SRGAP3: variants seen among roughly 807,000 people sequenced by gnomAD.
SRGAP3 encodes SLIT-ROBO Rho GTPase-activating protein 3.
In SRGAP3, 39 loss-of-function variants were observed where a neutral mutation model predicts 121.1. That is an observed-to-expected ratio of 0.32 (90% CI 0.25 to 0.42). The LOEUF (loss-of-function observed/expected upper bound fraction) is 0.42. Ranked by LOEUF, SRGAP3 falls within the 10% of genes least tolerant of loss-of-function variation. The pLI is 1.00. For missense variants in SRGAP3, 1,213 were observed against 1,470.6 expected, an observed-to-expected ratio of 0.82 and a Z score of 2.86; for synonymous variants, 601 against 570.0, an observed-to-expected ratio of 1.05 and a Z score of -0.77.
In SRGAP3 at chr3:9,218,572, C is replaced by T. The variant is rs193227222; in HGVS notation, c.67+30313G>A. ...ACATCAGGTAGAAACTATTTCCCACCGCTGATTTAGGAGTACATAAAAGCT... is the reference window on the plus strand; with the variant it reads ...ACATCAGGTAGAAACTATTTCCCACTGCTGATTTAGGAGTACATAAAAGCT... On this transcript the variant is annotated intron_variant, in intron 1 of 21. Transcript: ENST00000383836. The surrounding 1 kb of genome is among the most constrained non-coding windows in gnomAD (Gnocchi z 5.3). 22 of 152,174 alleles carry T rather than the reference C, an allele frequency of 1.4e-4. No individual in the cohort carries two copies. The highest frequency in any genetic ancestry group is 4.8e-4 in the African/African-American group (20 of 41,532). 9.4% of individuals were successfully genotyped at this position (152,174 alleles called of 1,614,324 possible). A position where few individuals can be genotyped will look rare whatever the true frequency, so the allele number is the denominator to read the frequency against.
At chr3:9,303,711 C>T (rs933672915) in intron 3 of SRGAP3, among the ~76,000 whole-genome samples, 1 of 152,212 alleles carries the variant, frequency 6.6e-6, no homozygotes, top group African/African-American at 2.4e-5. Context: ...GCTTAATCCA[C>T]AAGAGACTGC....
At chr3:9,003,620 T>A (rs1942894509) in intron 18 of SRGAP3, among the ~76,000 whole-genome samples, 1 of 152,236 alleles carries the variant, frequency 6.6e-6, no homozygotes, top group Non-Finnish European at 1.5e-5. Flanking sequence ...ATTAATGTAA[T>A]GCATCTTATC....
intron 10 of SRGAP3, among the ~76,000 whole-genome samples, chr3:9,038,642 G>C (rs1944883889): frequency 6.6e-6 from 1 of 152,194 alleles, no homozygotes; most frequent in Admixed American, 6.5e-5. Context: ...CCCAGCTGAA[G>C]ATCTTCTCAT....
intron 1 of SRGAP3, among the ~76,000 whole-genome samples, chr3:9,186,720 A>C (rs1247683970): frequency 6.6e-6 from 1 of 152,150 alleles, no homozygotes; most frequent in East Asian, 1.9e-4. Flanking sequence ...AGGAATAATC[A>C]TGCTGTGTCC....
intron 2 of SRGAP3, among the ~76,000 whole-genome samples, chr3:9,119,749 G>T (rs1333747751): frequency 1.3e-5 from 2 of 152,244 alleles, no homozygotes; most frequent in African/African-American, 2.4e-5. Context: ...ACTGTCAGAA[G>T]TCTGATGCCC....
At chr3:9,055,867 G>C (rs1945795312) in intron 8 of SRGAP3, among the ~76,000 whole-genome samples, 1 of 148,820 alleles carries the variant, frequency 6.7e-6, no homozygotes, top group Non-Finnish European at 1.5e-5. Context: ...TGAACATAGA[G>C]TCCTATTTCC....
rs1941572910 is a variant in SRGAP3, at chr3:8,984,449, A to T, written c.*1070T>A. Reference sequence around the variant, plus strand: ...AGTAGAACCAGGAAAAGAAAAAATTAAATAGTTTGAAAATGATATAAGTTA... The same window carrying T: ...AGTAGAACCAGGAAAAGAAAAAATTTAATAGTTTGAAAATGATATAAGTTA... On this transcript the variant is annotated 3_prime_UTR_variant, in exon 22 of 22. Transcript: ENST00000383836. 1 of 231,894 alleles carries T rather than the reference A, an allele frequency of 4.3e-6. No individual in the cohort carries two copies. Among genetic ancestry groups the T allele is most frequent in the African/African-American group, 2.2e-5 (1 of 45,290 alleles). The allele number at this position is 231,894 out of a possible 1,614,324, so 14.4% of individuals were successfully genotyped here. A position where few individuals can be genotyped will look rare whatever the true frequency, so the allele number is the denominator to read the frequency against.
At chr3:9,009,796 C>T (rs1192499223) in intron 18 of SRGAP3, among the ~76,000 whole-genome samples, 3 of 152,140 alleles carry the variant, frequency 2.0e-5, no homozygotes, top group South Asian at 2.1e-4. Context: ...CTCCAGGGTG[C>T]CCAATGCACC....
In SRGAP3 at chr3:9,058,456, A is replaced by T; in HGVS notation, c.818T>A (p.Phe273Tyr). 6.2e-7 allele frequency: 1 copy of T among 1,614,000 alleles called. No homozygotes were observed. Among genetic ancestry groups the T allele is most frequent in the Non-Finnish European group, 8.5e-7 (1 of 1,180,038 alleles). ...SDLIDCCDLG[F>Y]HASLARTFRT... is the part of the protein sequence containing the mutation. ...GAAGGTGCGGGCCAGGCTGGCATGG[A>T]AGCCCAAATCACAGCACTTGGGGAG... Residue 273 changes from phenylalanine to tyrosine, a missense_variant, in exon 7 of 22, where the codon TTC (phenylalanine) becomes TAC (tyrosine). By Grantham distance (22) the Phe-to-Tyr change is conservative. Coordinates refer to ENST00000383836, the MANE Select transcript of SRGAP3 (RefSeq NM_014850.4).
chr3:9,112,427 T>A (rs1354371377), intron 2 of SRGAP3, among the ~76,000 whole-genome samples: 1 of 152,208 alleles, frequency 6.6e-6, no homozygotes, highest in Non-Finnish European at 1.5e-5. Context: ...CAATAGTAAG[T>A]GTGTGCCTGT....
chr3:9,167,935 T>C (rs1289176558), intron 1 of SRGAP3, among the ~76,000 whole-genome samples: 1 of 152,174 alleles, frequency 6.6e-6, no homozygotes, highest in Non-Finnish European at 1.5e-5. Context: ...TAAATCCACC[T>C]AATGACAAAT....
intron 1 of SRGAP3, among the ~76,000 whole-genome samples, chr3:9,240,325 C>T (rs779840168): frequency 2.3e-4 from 35 of 152,150 alleles, no homozygotes; most frequent in Non-Finnish European, 4.0e-4. Flanking sequence ...CCCAAGACAG[C>T]TTCCTGGGCC....
intron 1 of SRGAP3, among the ~76,000 whole-genome samples, chr3:9,212,955 G>T (rs1434724884): frequency 1.3e-5 from 2 of 152,350 alleles, no homozygotes; most frequent in African/African-American, 4.8e-5. Context: ...TGCCAGCCCA[G>T]ATGGTGACTT....
chr3:9,175,954 C>T (rs978968267), intron 1 of SRGAP3, among the ~76,000 whole-genome samples: 1 of 152,114 alleles, frequency 6.6e-6, no homozygotes, highest in Non-Finnish European at 1.5e-5. Context: ...TGGAGCCTCA[C>T]TCTGTCACCC....
intron 3 of SRGAP3, among the ~76,000 whole-genome samples, chr3:9,096,957 A>G (rs1307446436): frequency 2.5e-4 from 24 of 94,408 alleles, no homozygotes; most frequent in African/African-American, 1.4e-3. Context: ...ATATATATAT[A>G]TATATATATA....
Position 9,053,043 on chromosome 3 carries a change from T to C in SRGAP3, c.1307A>G (p.Glu436Gly). The C allele has an allele frequency of 6.2e-7, 1 of 1,614,092 alleles. No homozygotes were observed. The highest frequency in any genetic ancestry group is 8.5e-7 in the Non-Finnish European group (1 of 1,180,032). Residue 436 changes from glutamate (E) to glycine (G), a missense_variant, in exon 9 of 22, where the codon GAA becomes GGA. Physicochemically the swap from Glu to Gly is moderately conservative, Grantham distance 98. This residue lies in a region of SRGAP3 where 793 missense variants were observed against 1,032.9 expected (regional missense o/e 0.77). Coordinates refer to ENST00000383836, the MANE Select transcript of SRGAP3 (RefSeq NM_014850.4). Reference protein sequence around the residue: ...AKRRANQQETEMFYFTKFKEY... With the variant: ...AKRRANQQETGMFYFTKFKEY... ...GCCACTTACTGTAAAATAAAACATT[T>C]CTGTTTCCTGCTGGTTGGCTCTCCT...
At chr3:9,307,930 G>A (rs536924817) in intron 3 of SRGAP3, among the ~76,000 whole-genome samples, 16 of 152,310 alleles carry the variant, frequency 1.1e-4, no homozygotes, top group Non-Finnish European at 1.8e-4. Context: ...CAAAGCGGGC[G>A]GATCACTTAA....
At chr3:9,179,845 T>G (rs1039675605) in intron 1 of SRGAP3, among the ~76,000 whole-genome samples, 3 of 152,234 alleles carry the variant, frequency 2.0e-5, no homozygotes, top group Admixed American at 6.5e-5. Flanking sequence ...CAAGGCCACA[T>G]AGCTACCAAG....
intron 2 of SRGAP3, among the ~76,000 whole-genome samples, chr3:9,110,279 G>A (rs1948569187): frequency 6.6e-6 from 1 of 152,162 alleles, no homozygotes; most frequent in Non-Finnish European, 1.5e-5. Context: ...GAGATGAAGA[G>A]GAGCAGGTCA....
Sources: gnomAD v4.1 joint callset for allele counts (sites outside exome capture counted in the v4.1 genomes callset) on GRCh38, gnomAD v4.1.1 for gene constraint, gnomAD v4.1.1 regional missense constraint, Gnocchi (gnomAD v3.1) non-coding constraint, MANE v1.5 for transcripts, NCBI Gene and HGNC (gene_info 2026-07-23, HGNC 2026-07-21) for gene names.